PGR: variants seen among roughly 807,000 people sequenced by gnomAD.
PGR encodes nuclear receptor subfamily 3 group C member 3.
PGR carries 25 observed loss-of-function variants against 76.1 expected under a neutral mutation model. The ratio of observed to expected loss-of-function variants is 0.33; its 90% CI spans 0.24 to 0.46. The LOEUF is 0.46. PGR is among the 20% of genes least tolerant of loss of function. The pLI is 1.00. For synonymous variants in PGR, 579 were observed against 535.0 expected (o/e 1.08, Z -1.14); for missense variants, 1,172 against 1,225.3 (o/e 0.96, Z 0.65).
intron 3 of PGR, among the ~76,000 whole-genome samples, chr11:101,089,630 C>T (rs912270938): frequency 1.4e-4 from 19 of 139,982 alleles, no homozygotes; most frequent in Admixed American, 1.2e-3. Flanking sequence ...AGAAAGGGCT[C>T]GATATACAGT....
intron 2 of PGR, among the ~76,000 whole-genome samples, chr11:101,107,978 G>A (rs1862226424): frequency 6.6e-6 from 1 of 151,948 alleles, no homozygotes; most frequent in Non-Finnish European, 1.5e-5. Flanking sequence ...AACTGGCCAG[G>A]TGCAGTGGCT....
At chr11:101,055,101 A>G (rs1009753160) in intron 4 of PGR, among the ~76,000 whole-genome samples, 8 of 152,158 alleles carry the variant, frequency 5.3e-5, no homozygotes, top group Non-Finnish European at 1.2e-4. Context: ...TATATATAAC[A>G]AATTATATAT....
chr11:101,112,038 AGTGATCAATT>A (rs1420907000), intron 2 of PGR, among the ~76,000 whole-genome samples: 1 of 152,116 alleles, frequency 6.6e-6, no homozygotes, highest in Non-Finnish European at 1.5e-5. Flanking sequence ...AGGAAGGTGG[AGTGATCAATT>A]GTCAAATGCT....
intron 3 of PGR, among the ~76,000 whole-genome samples, chr11:101,086,557 T>A (rs1488950252): frequency 6.6e-6 from 1 of 152,054 alleles, no homozygotes; most frequent in East Asian, 1.9e-4. Flanking sequence ...CTCTCACCAC[T>A]CCTGTTAACA....
At chr11:101,124,537 G>A (rs1039167886) in intron 2 of PGR, among the ~76,000 whole-genome samples, 2 of 152,126 alleles carry the variant, frequency 1.3e-5, no homozygotes, top group Non-Finnish European at 2.9e-5. Context: ...GCTGGGGTAG[G>A]ACAAATTGGG....
At chr11:101,126,809 C>G (rs1862852394) in intron 1 of PGR, among the ~76,000 whole-genome samples, 2 of 152,110 alleles carry the variant, frequency 1.3e-5, no homozygotes, top group Admixed American at 6.5e-5. Context: ...GAAAACGGTG[C>G]AATGCAGTGA....
Position 101,034,661 on chromosome 11 carries a change from T to A in PGR, c.*4455A>T, listed in dbSNP as rs1307656749. ...TATTAGCTCCAGCTAACTGATGGTC[T>A]GTAAGGCCTTCTTTCCTAAGTTTAT... On this transcript the variant is annotated 3_prime_UTR_variant, in exon 8 of 8. Transcript: ENST00000325455. 5.8e-6 allele frequency: 1 copy of A among 171,298 alleles called. No individual in the cohort carries two copies. Among genetic ancestry groups the A allele is most frequent in the Non-Finnish European group, 1.3e-5 (1 of 79,050 alleles). 10.6% of individuals were successfully genotyped at this position (171,298 alleles called of 1,614,324 possible). A position where few individuals can be genotyped will look rare whatever the true frequency, so the allele number is the denominator to read the frequency against.
At position 101,042,015 on chromosome 11, in the gene PGR, C is replaced by T. The variant is rs778343881; in HGVS notation, c.2576G>A (p.Arg859Lys). ...IRELIKAIGL[R>K]QKGVVSSSQR... The stretch of plus-strand genomic sequence containing the variant: ...TGAGCTCGACACAACTCCTTTTTGC[C>T]TCAAACCAATTGCCTTGATGAGCTC... The change falls in exon 7 of 8, where the codon AGG becomes AAG. Residue 859 changes from arginine (R) to lysine (K), a missense_variant. By Grantham distance (26) the Arg-to-Lys change is conservative. Around this residue, in one of 4 missense-constraint regions of PGR, gnomAD observed 166 missense variants for 296.0 expected, o/e 0.56. Transcript: ENST00000325455. 5.6e-6 allele frequency: 9 copies of T among 1,613,506 alleles called. No homozygotes were observed. The highest frequency in any genetic ancestry group is 1.1e-5 in the South Asian group (1 of 91,074).
intron 2 of PGR, among the ~76,000 whole-genome samples, chr11:101,094,608 T>G (rs1207593707): frequency 6.6e-6 from 1 of 152,224 alleles, no homozygotes; most frequent in Non-Finnish European, 1.5e-5. Context: ...TATTTCTAGG[T>G]ACCTCAAACT....
intron 4 of PGR, among the ~76,000 whole-genome samples, chr11:101,052,537 G>T (rs1039054267): frequency 6.6e-6 from 1 of 152,094 alleles, no homozygotes; most frequent in Non-Finnish European, 1.5e-5. Context: ...GATGTAGGCT[G>T]GGTCAGATCA....
At chr11:101,044,565 G>A (rs1859799829) in intron 6 of PGR, among the ~76,000 whole-genome samples, 1 of 152,074 alleles carries the variant, frequency 6.6e-6, no homozygotes. Context: ...TGGCTCAGGA[G>A]ACCTAGTTTT....
At chr11:101,126,273 A>G (rs1862835751) in intron 1 of PGR, 115 bp from the exon 2 acceptor site, 2 of 926,484 alleles carry the variant, frequency 2.2e-6, no homozygotes, top group Non-Finnish European at 3.4e-6. Context: ...ACAGAACTGT[A>G]TATATACACT....
At chr11:101,069,436 G>C (rs1383009881) in intron 3 of PGR, among the ~76,000 whole-genome samples, 2 of 152,318 alleles carry the variant, frequency 1.3e-5, no homozygotes, top group African/African-American at 4.8e-5. Flanking sequence ...TTCAACCACT[G>C]TAGAAGACAG....
chr11:101,126,464 G>A (rs1862841855), intron 1 of PGR, among the ~76,000 whole-genome samples: 1 of 152,154 alleles, frequency 6.6e-6, no homozygotes, highest in Admixed American at 6.5e-5. Flanking sequence ...TCTTTATATA[G>A]AAACAATTTA....
At position 101,034,930 on chromosome 11, in the gene PGR, A is replaced by G. The variant is rs1859460052; in HGVS notation, c.*4186T>C. 5.3e-6 allele frequency: 1 copy of G among 187,012 alleles called. No individual in the cohort carries two copies. The highest frequency in any genetic ancestry group is 6.2e-5 in the Admixed American group (1 of 16,152). 11.6% of individuals were successfully genotyped at this position (187,012 alleles called of 1,614,324 possible). On this transcript the variant is annotated 3_prime_UTR_variant, in exon 8 of 8. Transcript: ENST00000325455. ...CAGAGATTGTTGTTTTCACTCAGCC[A>G]TGAATAAGAAAAAAAGAAACCACAA...
intron 2 of PGR, among the ~76,000 whole-genome samples, chr11:101,103,853 T>C (rs922677716): frequency 1.3e-5 from 2 of 152,232 alleles, no homozygotes; most frequent in Admixed American, 6.5e-5. Flanking sequence ...AAAAGTAAAA[T>C]TTTTATTTAA....
At chr11:101,056,939 A>G (rs769780963) in intron 4 of PGR, among the ~76,000 whole-genome samples, 4 of 152,206 alleles carry the variant, frequency 2.6e-5, no homozygotes, top group Non-Finnish European at 4.4e-5. Flanking sequence ...ATGTCTAATA[A>G]TCTAAGGTAG....
At chr11:101,085,353 A>C (rs192111693) in intron 3 of PGR, among the ~76,000 whole-genome samples, 1 of 135,210 alleles carries the variant, frequency 7.4e-6, no homozygotes, top group Non-Finnish European at 1.6e-5. Context: ...TAAACAATAA[A>C]ATCAAGGCAG....
intron 2 of PGR, among the ~76,000 whole-genome samples, chr11:101,116,667 G>A (rs1479974616): frequency 6.6e-6 from 1 of 150,460 alleles, no homozygotes; most frequent in Non-Finnish European, 1.5e-5. Flanking sequence ...TTGAACCAGG[G>A]AGGCACAGGT....
Sources: gnomAD v4.1 joint callset for allele counts (sites outside exome capture counted in the v4.1 genomes callset) on GRCh38, gnomAD v4.1.1 for gene constraint, gnomAD v4.1.1 regional missense constraint, MANE v1.5 for transcripts, NCBI Gene and HGNC (gene_info 2026-07-23, HGNC 2026-07-21) for gene names.